KIAA1217: variants seen among roughly 807,000 people sequenced by gnomAD.
The protein encoded by KIAA1217 is KIAA1217.
KIAA1217 carries 88 observed loss-of-function variants against 163.9 expected under a neutral mutation model. That is an observed-to-expected ratio of 0.54 (90% CI 0.45 to 0.64). The LOEUF (loss-of-function observed/expected upper bound fraction) is 0.64. Among genes scored for constraint, KIAA1217 ranks in the 30% least tolerant of loss-of-function variants. The pLI, the probability that KIAA1217 is intolerant of heterozygous loss-of-function variation, is 0.00. For missense variants in KIAA1217, 2,372 were observed against 2,475.0 expected (o/e 0.96, Z 0.88); for synonymous variants, 903 against 923.1 (o/e 0.98, Z 0.39).
intron 2 of KIAA1217, among the ~76,000 whole-genome samples, chr10:24,017,652 A>T (rs1356366376): frequency 1.3e-5 from 2 of 152,120 alleles, no homozygotes; most frequent in Admixed American, 1.3e-4. Flanking sequence ...AAATTTAAAA[A>T]TTTAATTTTA....
intron 2 of KIAA1217, among the ~76,000 whole-genome samples, chr10:24,234,467 C>G (rs538783494): frequency 6.6e-6 from 1 of 151,922 alleles, no homozygotes; most frequent in South Asian, 2.1e-4. Context: ...AGTTCGAGAC[C>G]AGCCTGGCCA....
At chr10:24,478,103 C>A (rs2064242961) in intron 6 of KIAA1217, among the ~76,000 whole-genome samples, 1 of 152,204 alleles carries the variant, frequency 6.6e-6, no homozygotes, top group Non-Finnish European at 1.5e-5. Flanking sequence ...AAATCGGTGG[C>A]TGTGCTTTCT....
chr10:24,261,748 T>C (rs929904311), intron 2 of KIAA1217, among the ~76,000 whole-genome samples: 4 of 152,082 alleles, frequency 2.6e-5, no homozygotes, highest in African/African-American at 9.7e-5. Context: ...ACTCTGAGGA[T>C]AGGTGCAGGG....
At chr10:24,512,727 C>T (rs923900070) in intron 9 of KIAA1217, among the ~76,000 whole-genome samples, 2 of 152,222 alleles carry the variant, frequency 1.3e-5, no homozygotes, top group Non-Finnish European at 2.9e-5. Context: ...TGAACTGATA[C>T]TGACGTATTT....
At chr10:23,908,334 C>T (rs75092841) in intron 1 of KIAA1217, among the ~76,000 whole-genome samples, 7,875 of 152,128 alleles carry the variant, frequency 0.052, 251 homozygotes, top group Middle Eastern at 0.099. Context: ...GCTATGCGTC[C>T]TCCAGTTTCC....
chr10:24,224,558 G>A (rs2070183333), intron 2 of KIAA1217, among the ~76,000 whole-genome samples: 1 of 151,952 alleles, frequency 6.6e-6, no homozygotes, highest in African/African-American at 2.4e-5. Flanking sequence ...GAACTCAAGT[G>A]ATCTGCGTGC....
intron 9 of KIAA1217, among the ~76,000 whole-genome samples, chr10:24,507,670 T>A (rs2134130332): frequency 6.6e-6 from 1 of 151,906 alleles, no homozygotes; most frequent in South Asian, 2.1e-4. Context: ...AAAGATGAAG[T>A]GGAAAGAGAA....
At chr10:24,419,494 C>G (rs746674691) in intron 3 of KIAA1217, among the ~76,000 whole-genome samples, 1 of 152,156 alleles carries the variant, frequency 6.6e-6, no homozygotes, top group African/African-American at 2.4e-5. Context: ...AGTCACACAA[C>G]TTACTTCTCT....
intron 1 of KIAA1217, among the ~76,000 whole-genome samples, chr10:23,861,370 G>A (rs1269600378): frequency 2.0e-5 from 3 of 152,188 alleles, no homozygotes; most frequent in Non-Finnish European, 4.4e-5. Flanking sequence ...GTGGTTTTCT[G>A]AGCTATAAGC....
At chr10:24,526,674 T>C (rs1216662947) in intron 13 of KIAA1217, among the ~76,000 whole-genome samples, 1 of 152,146 alleles carries the variant, frequency 6.6e-6, no homozygotes, top group South Asian at 2.1e-4. Context: ...GTGAGCTTTA[T>C]TCATTCAACA....
intron 2 of KIAA1217, among the ~76,000 whole-genome samples, chr10:24,251,553 C>G (rs529451682): frequency 1.6e-4 from 24 of 152,014 alleles, no homozygotes; most frequent in African/African-American, 5.8e-4. Context: ...ATCAGATGAT[C>G]AGGAAACATT....
intron 6 of KIAA1217, among the ~76,000 whole-genome samples, chr10:24,479,662 G>C (rs1031077107): frequency 2.0e-5 from 3 of 152,162 alleles, no homozygotes; most frequent in Admixed American, 6.5e-5. Flanking sequence ...AAAGAGAAGA[G>C]GTTTATTTAG....
At chr10:23,857,158 C>A (rs536857206) in intron 1 of KIAA1217, among the ~76,000 whole-genome samples, 1 of 152,132 alleles carries the variant, frequency 6.6e-6, no homozygotes, top group Non-Finnish European at 1.5e-5. Flanking sequence ...TCTTGGCGCT[C>A]TCTCAGGGAT....
chr10:23,703,626 G>A (rs933848504), intron 1 of KIAA1217, among the ~76,000 whole-genome samples: 8 of 152,024 alleles, frequency 5.3e-5, no homozygotes, highest in African/African-American at 1.9e-4. Flanking sequence ...TTAACAGTTG[G>A]CTCTCGTGAA....
At chr10:23,961,917 G>C (rs1355098542) in intron 1 of KIAA1217, among the ~76,000 whole-genome samples, 1 of 152,104 alleles carries the variant, frequency 6.6e-6, no homozygotes. Flanking sequence ...ACCTGTTTCT[G>C]TGTCTAAATT....
intron 3 of KIAA1217, among the ~76,000 whole-genome samples, chr10:24,387,196 C>T (rs2054131041): frequency 1.3e-5 from 2 of 152,182 alleles, no homozygotes; most frequent in Non-Finnish European, 2.9e-5. Context: ...CATCAAAAGG[C>T]TTATCCACCA....
At chr10:24,128,848 T>C (rs1236121787) in intron 2 of KIAA1217, among the ~76,000 whole-genome samples, 1 of 152,260 alleles carries the variant, frequency 6.6e-6, no homozygotes, top group Non-Finnish European at 1.5e-5. Flanking sequence ...CTGGCATTAA[T>C]AATTCTTAGC....
chr10:24,467,046 A>G (rs2063027662), intron 5 of KIAA1217, among the ~76,000 whole-genome samples: 1 of 149,028 alleles, frequency 6.7e-6, no homozygotes, highest in Non-Finnish European at 1.5e-5. Flanking sequence ...TTTTTATACT[A>G]GGTTTTTTTT....
chr10:24,347,879 C>A (rs2047986416), intron 2 of KIAA1217, among the ~76,000 whole-genome samples: 1 of 152,138 alleles, frequency 6.6e-6, no homozygotes, highest in Admixed American at 6.5e-5. Context: ...TTACCACAAT[C>A]AAATTCATGA....
Sources: gnomAD v4.1 joint callset for allele counts (sites outside exome capture counted in the v4.1 genomes callset) on GRCh38, gnomAD v4.1.1 for gene constraint, MANE v1.5 for transcripts, NCBI Gene and HGNC (gene_info 2026-07-23, HGNC 2026-07-21) for gene names.